ADAMTS19: variants seen among roughly 807,000 people sequenced by gnomAD.
ADAMTS19 encodes ADAM metallopeptidase with thrombospondin type 1 motif 19, also known as A disintegrin and metalloproteinase with thrombospondin motifs 19.
In ADAMTS19, 93 loss-of-function variants were observed where a neutral mutation model predicts 153.3. The ratio of observed to expected loss-of-function variants is 0.61; its 90% CI spans 0.51 to 0.72. The LOEUF is 0.72. ADAMTS19 is among the 30% of genes least tolerant of loss of function. The probability of loss-of-function intolerance (pLI) is 0.00; values close to 1 mark genes in which losing one functional copy is unlikely to be tolerated. For synonymous variants in ADAMTS19, 600 were observed against 556.6 expected (o/e 1.08, Z -1.10); for missense variants, 1,482 against 1,552.1 (o/e 0.95, Z 0.76).
chr5:129,599,877 A>C (rs1014154854), intron 8 of ADAMTS19, among the ~76,000 whole-genome samples: 2 of 152,186 alleles, frequency 1.3e-5, no homozygotes, highest in African/African-American at 4.8e-5. Flanking sequence ...AGAATGTGAT[A>C]TATGTTAAAC....
At chr5:129,526,075 T>C (rs149806937) in intron 3 of ADAMTS19, among the ~76,000 whole-genome samples, 61 of 152,152 alleles carry the variant, frequency 4.0e-4, no homozygotes, top group African/African-American at 1.4e-3. Flanking sequence ...TCAGGCTGAC[T>C]GAGTGATGTT....
At chr5:129,702,332 T>C (rs1429005814) in intron 20 of ADAMTS19, among the ~76,000 whole-genome samples, 3 of 152,216 alleles carry the variant, frequency 2.0e-5, no homozygotes. Flanking sequence ...CATTTACTCA[T>C]ATAAACATAC....
At chr5:129,515,946 T>C (rs1319520068) in intron 3 of ADAMTS19, among the ~76,000 whole-genome samples, 2 of 151,974 alleles carry the variant, frequency 1.3e-5, no homozygotes, top group African/African-American at 4.8e-5. Flanking sequence ...TTTTATTATG[T>C]TGATGTATGT....
At chr5:129,564,861 T>C (rs1753649829) in intron 7 of ADAMTS19, among the ~76,000 whole-genome samples, 2 of 152,176 alleles carry the variant, frequency 1.3e-5, no homozygotes, top group African/African-American at 4.8e-5. Context: ...TGGAGTCAGA[T>C]TGGGCCTGGG....
chr5:129,728,684 G>T (rs1265385981), intron 21 of ADAMTS19, among the ~76,000 whole-genome samples: 2 of 152,052 alleles, frequency 1.3e-5, no homozygotes, highest in Non-Finnish European at 2.9e-5. Context: ...GGATGAAATT[G>T]CCTAGCTTCC....
intron 21 of ADAMTS19, among the ~76,000 whole-genome samples, chr5:129,730,951 T>C (rs1432208383): frequency 6.6e-6 from 1 of 151,522 alleles, no homozygotes; most frequent in Admixed American, 6.6e-5. Context: ...TTGTTTTGTT[T>C]TGTTTTGTTT....
At chr5:129,588,833 G>A (rs929016093) in intron 7 of ADAMTS19, among the ~76,000 whole-genome samples, 1 of 151,586 alleles carries the variant, frequency 6.6e-6, no homozygotes, top group African/African-American at 2.4e-5. Context: ...AATTCAAGAG[G>A]TTTTTAAAGC....
chr5:129,694,724 A>C lies in ADAMTS19; in HGVS notation c.2823A>C (p.Glu941Asp). The change falls in exon 19 of 23, where the codon GAA becomes GAC. Residue 941 changes from glutamate to aspartate, a missense_variant. By Grantham distance (45) the Glu-to-Asp change is conservative. Coordinates refer to ENST00000274487, the MANE Select transcript of ADAMTS19 (RefSeq NM_133638.6). ...TTGTTTATTTGTTCTTTTCAGGAGA[A>C]AGGAAGACAACAGTGTCCTGCACAA... ...EDCDATCGGG[E>D]RKTTVSCTKI... 1 of 1,569,468 alleles carries C rather than the reference A, an allele frequency of 6.4e-7. No individual in the cohort carries two copies. Among genetic ancestry groups the C allele is most frequent in the Non-Finnish European group, 8.6e-7 (1 of 1,157,490 alleles).
chr5:129,554,715 C>A (rs1203026668), intron 7 of ADAMTS19, among the ~76,000 whole-genome samples: 1 of 152,022 alleles, frequency 6.6e-6, no homozygotes, highest in African/African-American at 2.4e-5. Context: ...TATTACTAAG[C>A]CAGTTTAAGA....
intron 10 of ADAMTS19, among the ~76,000 whole-genome samples, chr5:129,638,066 G>A (rs1295962379): frequency 1.3e-5 from 2 of 152,256 alleles, no homozygotes; most frequent in South Asian, 4.1e-4. Flanking sequence ...AACCCCCTAG[G>A]AAACATGTTT....
intron 5 of ADAMTS19, 108 bp downstream of exon 5, chr5:129,527,939 C>T (rs1752074160): frequency 2.2e-5 from 14 of 647,392 alleles, no homozygotes; most frequent in Non-Finnish European, 2.7e-5. Context: ...CAGAAATATC[C>T]ACTGAATCAC....
intron 7 of ADAMTS19, among the ~76,000 whole-genome samples, chr5:129,558,160 A>G (rs1363264291): frequency 6.6e-6 from 1 of 152,122 alleles, no homozygotes; most frequent in Non-Finnish European, 1.5e-5. Flanking sequence ...CATTAAAAGC[A>G]TTCCTTTTAG....
chr5:129,557,575 G>C (rs1753358996), intron 7 of ADAMTS19, among the ~76,000 whole-genome samples: 1 of 151,992 alleles, frequency 6.6e-6, no homozygotes, highest in Admixed American at 6.6e-5. Flanking sequence ...CTCCAGCCTT[G>C]GCAACAGAGT....
At chr5:129,647,709 G>A (rs1187580391) in intron 11 of ADAMTS19, 56 bp from the exon 12 acceptor site, 14 of 1,573,740 alleles carry the variant, frequency 8.9e-6, no homozygotes, top group African/African-American at 2.7e-5. Context: ...ATAGGCCAGC[G>A]AATGATTTTC....
chr5:129,667,412 T>C (rs946588199), intron 16 of ADAMTS19, among the ~76,000 whole-genome samples: 1 of 152,154 alleles, frequency 6.6e-6, no homozygotes, highest in Non-Finnish European at 1.5e-5. Context: ...AGTTTGGATG[T>C]TGTCTCTTCT....
At chr5:129,467,221 C>T (rs74379296) in intron 2 of ADAMTS19, among the ~76,000 whole-genome samples, 102 of 152,266 alleles carry the variant, frequency 6.7e-4, no homozygotes, top group African/African-American at 2.4e-3. Context: ...GAGCATTCAG[C>T]ATGCTGTATG....
At chr5:129,632,277 A>T (rs1041241288) in intron 10 of ADAMTS19, among the ~76,000 whole-genome samples, 1 of 152,052 alleles carries the variant, frequency 6.6e-6, no homozygotes, top group Non-Finnish European at 1.5e-5. Flanking sequence ...TTCATTTGGA[A>T]TTATTGGAAT....
At chr5:129,732,299 C>T (rs561906367) in intron 21 of ADAMTS19, among the ~76,000 whole-genome samples, 15 of 152,104 alleles carry the variant, frequency 9.9e-5, no homozygotes, top group Non-Finnish European at 1.8e-4. Flanking sequence ...CACCACTCCT[C>T]AACATAGCCC....
chr5:129,668,510 T>C (rs1222516637), intron 16 of ADAMTS19, among the ~76,000 whole-genome samples: 4 of 152,128 alleles, frequency 2.6e-5, no homozygotes, highest in African/African-American at 9.7e-5. Flanking sequence ...CCTCACATGG[T>C]GGAAGGAGCT....
Sources: gnomAD v4.1 joint callset for allele counts (sites outside exome capture counted in the v4.1 genomes callset) on GRCh38, gnomAD v4.1.1 for gene constraint, MANE v1.5 for transcripts, NCBI Gene and HGNC (gene_info 2026-07-23, HGNC 2026-07-21) for gene names.